The following VWA8 variants were observed in gnomAD, a reference collection of about 807,000 sequenced individuals.
The protein encoded by VWA8 is von Willebrand factor A domain-containing protein 8.
VWA8 carries 221 observed loss-of-function variants against 241.5 expected under a neutral mutation model. The ratio of observed to expected loss-of-function variants is 0.91; its 90% CI spans 0.82 to 1.02. The LOEUF is 1.02. Among genes scored for constraint, VWA8 ranks in the 50% least tolerant of loss-of-function variants. The probability of loss-of-function intolerance (pLI) is 0.00; values close to 1 mark genes in which losing one functional copy is unlikely to be tolerated. For synonymous variants in VWA8, 852 were observed against 827.1 expected (o/e 1.03, Z -0.52); for missense variants, 2,322 against 2,328.7 (o/e 1.00, Z 0.06).
intron 12 of VWA8, among the ~76,000 whole-genome samples, chr13:41,857,222 A>C (rs985525353): frequency 3.3e-5 from 5 of 152,238 alleles, no homozygotes; most frequent in Admixed American, 2.6e-4. Context: ...AGATTTCTTC[A>C]TTATATACTA....
chr13:41,889,251 GA>G (rs1166891048), intron 5 of VWA8, among the ~76,000 whole-genome samples: 1 of 152,126 alleles, frequency 6.6e-6, no homozygotes, highest in African/African-American at 2.4e-5. Context: ...GTTCTCATGA[GA>G]CAGATTCTAT....
intron 26 of VWA8, among the ~76,000 whole-genome samples, chr13:41,707,406 T>C (rs534866439): frequency 1.3e-5 from 2 of 152,342 alleles, no homozygotes; most frequent in South Asian, 4.1e-4. Context: ...GTTGTTGACA[T>C]ACCTATTATC....
chr13:41,886,059 G>A, intron 7 of VWA8, 31 bp from the exon 8 acceptor site: 1 of 1,383,676 alleles, frequency 7.2e-7, no homozygotes, highest in Non-Finnish European at 9.8e-7. Context: ...AATTTTAATA[G>A]TTTTAAAATA....
At position 41,843,273 on chromosome 13, in the gene VWA8, A is replaced by G. The variant is rs553067138; in HGVS notation, c.1426-9742T>C. ...TCATATTTTATTCAAATAGTACTACAAACTTTGTTGCATTTTATCACAAAT... is the reference window on the plus strand; with the variant it reads ...TCATATTTTATTCAAATAGTACTACGAACTTTGTTGCATTTTATCACAAAT... On this transcript the variant is annotated intron_variant, in intron 12 of 44. Coordinates refer to ENST00000379310, the MANE Select transcript of VWA8 (RefSeq NM_015058.2). Among the ~76,000 whole-genome samples the G allele has an allele frequency of 3.9e-5, 6 of 152,332 alleles. No homozygotes were observed. The South Asian group carries it at 1.2e-3, about 32-fold the overall frequency.
Position 41,907,835 on chromosome 13 carries a change from T to TA in VWA8, c.373-140dup. The TA allele has an allele frequency of 4.5e-6, 3 of 661,106 alleles. No individual in the cohort carries two copies. In the African/African-American group the frequency reaches 5.4e-5, roughly 12 times the overall value. The allele number at this position is 661,106 out of a possible 1,614,324, so 41.0% of individuals were successfully genotyped here. The stretch of plus-strand genomic sequence containing the variant: ...ATTTTGGGTTGAAACTTGTTGAATC[T>TA]AAGTTTGAGAAAAAAGAAATAAATT... On this transcript the variant is annotated intron_variant, in intron 3 of 44. Coordinates refer to ENST00000379310, the MANE Select transcript of VWA8 (RefSeq NM_015058.2).
intron 4 of VWA8, among the ~76,000 whole-genome samples, chr13:41,903,163 A>G (rs1875539464): frequency 6.6e-6 from 1 of 152,246 alleles, no homozygotes; most frequent in Non-Finnish European, 1.5e-5. Flanking sequence ...TCTATCTAGA[A>G]TTCAAATGGA....
chr13:41,881,660 T>C, intron 9 of VWA8, among the ~76,000 whole-genome samples: 1 of 144,440 alleles, frequency 6.9e-6, no homozygotes. Flanking sequence ...GGCTCCTCAC[T>C]TCCCAGTAGG....
At chr13:41,636,371 C>CAT (rs1304057662) in intron 37 of VWA8, among the ~76,000 whole-genome samples, 2 of 152,114 alleles carry the variant, frequency 1.3e-5, no homozygotes, top group Admixed American at 6.6e-5. Context: ...ACTGGCTAGC[C>CAT]ATATGTAGAA....
intron 18 of VWA8, among the ~76,000 whole-genome samples, chr13:41,784,727 T>TAC (rs1343770491): frequency 0.01 from 696 of 68,984 alleles, 48 homozygotes; most frequent in Non-Finnish European, 0.018. Flanking sequence ...TATATATATA[T>TAC]ATACACACAC....
At chr13:41,914,741 T>C (rs1302332270) in intron 2 of VWA8, among the ~76,000 whole-genome samples, 1 of 152,358 alleles carries the variant, frequency 6.6e-6, no homozygotes, top group Non-Finnish European at 1.5e-5. Context: ...TCTCACAGTT[T>C]TGTGTCACTT....
intron 2 of VWA8, among the ~76,000 whole-genome samples, chr13:41,946,268 T>C (rs1019036819): frequency 1.3e-5 from 2 of 151,662 alleles, no homozygotes; most frequent in Non-Finnish European, 2.9e-5. Context: ...AGAAGATACT[T>C]ACTAAAGGGC....
At chr13:41,747,280 GTGGTT>G (rs1335158424) in intron 21 of VWA8, among the ~76,000 whole-genome samples, 1 of 152,162 alleles carries the variant, frequency 6.6e-6, no homozygotes, top group Non-Finnish European at 1.5e-5. Flanking sequence ...TCATTGAGCA[GTGGTT>G]TGTCGTTCTC....
At chr13:41,933,772 C>G (rs1359900697) in intron 2 of VWA8, among the ~76,000 whole-genome samples, 1 of 151,896 alleles carries the variant, frequency 6.6e-6, no homozygotes, top group Non-Finnish European at 1.5e-5. Flanking sequence ...AAAAAATAAA[C>G]TTTGACCCAT....
chr13:41,926,430 C>T, intron 2 of VWA8: 1 of 527,008 alleles, frequency 1.9e-6, no homozygotes, highest in Admixed American at 2.2e-5. Flanking sequence ...GGAGCTGTGG[C>T]CAAGCTTTTC....
intron 36 of VWA8, among the ~76,000 whole-genome samples, chr13:41,674,561 G>A (rs551480956): frequency 2.6e-4 from 39 of 152,302 alleles, no homozygotes; most frequent in Non-Finnish European, 5.0e-4. Context: ...GCTTAGGTTG[G>A]AAGAGGGAAA....
At chr13:41,903,017 C>T (rs1190305979) in intron 4 of VWA8, among the ~76,000 whole-genome samples, 2 of 152,090 alleles carry the variant, frequency 1.3e-5, no homozygotes, top group African/African-American at 2.4e-5. Flanking sequence ...AAATACTGCC[C>T]GTCCCTTCAG....
At chr13:41,735,639 T>C (rs181283630) in intron 21 of VWA8, among the ~76,000 whole-genome samples, 116 of 152,162 alleles carry the variant, frequency 7.6e-4, no homozygotes, top group African/African-American at 2.8e-3. Flanking sequence ...TAGTAAAATA[T>C]GTAAAATAAT....
chr13:41,846,017 T>C (rs1160263627), intron 12 of VWA8, among the ~76,000 whole-genome samples: 1 of 151,894 alleles, frequency 6.6e-6, no homozygotes, highest in African/African-American at 2.4e-5. Context: ...ATATCTGCAA[T>C]AATATTTGCC....
intron 37 of VWA8, among the ~76,000 whole-genome samples, chr13:41,648,288 T>G (rs908617767): frequency 2.0e-5 from 3 of 152,214 alleles, no homozygotes; most frequent in Non-Finnish European, 4.4e-5. Context: ...GATTACATTA[T>G]TTATCTGGTT....
Sources: gnomAD v4.1 joint callset for allele counts (sites outside exome capture counted in the v4.1 genomes callset) on GRCh38, gnomAD v4.1.1 for gene constraint, MANE v1.5 for transcripts, NCBI Gene and HGNC (gene_info 2026-07-23, HGNC 2026-07-21) for gene names.